The following NOL4L variants were observed in gnomAD, a reference collection of about 807,000 sequenced individuals.
The protein encoded by NOL4L is nucleolar protein 4 like.
A neutral mutation model predicts 64.5 loss-of-function variants in NOL4L; 7 were observed. That is an observed-to-expected ratio of 0.11 (90% CI 0.06 to 0.20). NOL4L has a LOEUF of 0.20. Ranked by LOEUF, NOL4L falls within the 10% of genes least tolerant of loss-of-function variation. The probability of loss-of-function intolerance (pLI) is 1.00; values close to 1 mark genes in which losing one functional copy is unlikely to be tolerated. For missense variants in NOL4L, 680 were observed against 967.1 expected (o/e 0.70, Z 3.94); for synonymous variants, 413 against 401.0 (o/e 1.03, Z -0.36).
intron 4 of NOL4L, among the ~76,000 whole-genome samples, chr20:32,488,092 G>A (rs1213082893): frequency 6.6e-6 from 1 of 152,058 alleles, no homozygotes; most frequent in Non-Finnish European, 1.5e-5. Context: ...ACCATGCCTG[G>A]CTAATTTTTG....
chr20:32,545,908 T>A (rs1282797369), intron 1 of NOL4L, among the ~76,000 whole-genome samples: 19 of 152,166 alleles, frequency 1.2e-4, no homozygotes, highest in Non-Finnish European at 1.8e-4. Context: ...AGAGCCTGTT[T>A]ACAAGACACT....
intron 5 of NOL4L, among the ~76,000 whole-genome samples, chr20:32,465,823 A>C (rs1447028044): frequency 2.0e-5 from 3 of 152,112 alleles, no homozygotes; most frequent in Non-Finnish European, 4.4e-5. Flanking sequence ...ACCCTTGAAC[A>C]GGCTCCCGGT....
chr20:32,468,411 G>A (rs1476484760), intron 5 of NOL4L, among the ~76,000 whole-genome samples: 3 of 152,154 alleles, frequency 2.0e-5, no homozygotes, highest in Admixed American at 6.5e-5. Context: ...CTGCTGCCAC[G>A]CCTCTGCCCA....
rs145275649 is a variant in NOL4L, at chr20:32,450,610, C to T, written c.1822+1626G>A. ...GGGCAGGCATGAAGCAGGCTCAGCC[C>T]TAATATGAGAGGCCCTTAGGAGGGT... On this transcript the variant is annotated intron_variant, in intron 10 of 10. Transcript: ENST00000621426. 3.7e-3 allele frequency among the ~76,000 whole-genome samples: 571 copies of T among 152,282 alleles called. 6 individuals are homozygous for T. The highest frequency in any genetic ancestry group is 0.012 in the African/African-American group (518 of 41,546).
intron 2 of NOL4L, among the ~76,000 whole-genome samples, chr20:32,527,273 G>A (rs529165282): frequency 1.9e-4 from 29 of 152,038 alleles, no homozygotes; most frequent in Admixed American, 3.3e-4. Flanking sequence ...CAGGTCCTTC[G>A]ACTTCCCCTG....
intron 2 of NOL4L, among the ~76,000 whole-genome samples, chr20:32,523,373 G>A (rs538143041): frequency 6.6e-6 from 1 of 152,276 alleles, no homozygotes; most frequent in South Asian, 2.1e-4. Flanking sequence ...CACTGCCGTA[G>A]GGACCTGTAT....
At position 32,453,315 on chromosome 20, in the gene NOL4L, C is replaced by G; in HGVS notation, c.1486G>C (p.Gly496Arg). ...LKSCRRMKKN[G>R]MEMTRPTPPH... ...CAGGGGGGACTCACCATCTCCATGC[C>G]GTTCTTCTTCATGCGACGGCAGGAC... is the stretch of plus-strand genomic sequence containing the variant. Residue 496 changes from glycine to arginine, a missense_variant, in exon 8 of 11, where the codon GGC becomes CGC. Physicochemically the swap from Gly to Arg is moderately radical, Grantham distance 125 (BLOSUM62 -2). Around this residue, in one of 4 missense-constraint regions of NOL4L, gnomAD observed 70 missense variants for 166.1 expected, o/e 0.42. Coordinates refer to ENST00000621426, the MANE Select transcript of NOL4L (RefSeq NM_001256798.2). The surrounding 1 kb of genome is among the most constrained non-coding windows in gnomAD (Gnocchi z 5.6). 1 of 1,613,614 alleles carries G rather than the reference C, an allele frequency of 6.2e-7. No individual in the cohort carries two copies. Among genetic ancestry groups the G allele is most frequent in the Non-Finnish European group, 8.5e-7 (1 of 1,179,646 alleles).
intron 1 of NOL4L, among the ~76,000 whole-genome samples, chr20:32,553,609 C>T (rs1385811675): frequency 1.3e-5 from 2 of 152,232 alleles, no homozygotes; most frequent in Non-Finnish European, 2.9e-5. Context: ...GGTTCATGGT[C>T]TGTCTCCCCA....
intron 1 of NOL4L, among the ~76,000 whole-genome samples, chr20:32,578,143 G>GAAGGAAGGAAGGAGGGAGA: frequency 8.8e-6 from 1 of 113,478 alleles, no homozygotes; most frequent in East Asian, 3.1e-4. Context: ...AAGGAAGGAG[G>GAAGGAAGGAAGGAGGGAGA]GAGGGAGGGA....
intron 4 of NOL4L, among the ~76,000 whole-genome samples, chr20:32,484,141 C>T (rs1456517140): frequency 6.6e-6 from 1 of 152,076 alleles, no homozygotes; most frequent in Non-Finnish European, 1.5e-5. Flanking sequence ...GAACTCTCGG[C>T]GCCCGGGGCC....
rs565660911 is a variant in NOL4L, at chr20:32,498,128, G to C, written c.699+13219C>G. On this transcript the variant is annotated intron_variant, in intron 4 of 10. Transcript: ENST00000621426. ...TGGGGACAATGAGCTGTTCAGGTTCGGGGTATCTGCCAACCCCACCAGACA... is the reference window on the plus strand; with the variant it reads ...TGGGGACAATGAGCTGTTCAGGTTCCGGGTATCTGCCAACCCCACCAGACA... Among the ~76,000 whole-genome samples the C allele has an allele frequency of 4.6e-5, 7 of 152,278 alleles. No homozygotes were observed. In the East Asian group the frequency reaches 1.4e-3, roughly 29 times the overall value.
intron 3 of NOL4L, among the ~76,000 whole-genome samples, chr20:32,514,964 A>G (rs2017585805): frequency 6.6e-6 from 1 of 151,938 alleles, no homozygotes; most frequent in Admixed American, 6.6e-5. Flanking sequence ...TGTTGCAGGG[A>G]TTGTCTAGGT....
Position 32,464,721 on chromosome 20 carries a change from T to C in NOL4L, c.842-8326A>G. ...CGACAGAAACAGAGTGGGAGCCGCA[T>C]GAGGGATTTGAGTGCCCTAGTACCC... On this transcript the variant is annotated intron_variant, in intron 5 of 10. Transcript: ENST00000621426. This position sits in a 1 kb window ranked among gnomAD's most constrained non-coding sequence, Gnocchi z 5.6. 1 of 287,134 alleles carries C rather than the reference T, an allele frequency of 3.5e-6. No homozygotes were observed. The highest frequency in any genetic ancestry group is 6.4e-6 in the Non-Finnish European group (1 of 155,872). 17.8% of individuals were successfully genotyped at this position (287,134 alleles called of 1,614,324 possible). A position where few individuals can be genotyped will look rare whatever the true frequency, so the allele number is the denominator to read the frequency against.
chr20:32,499,655 C>T (rs530674174), intron 4 of NOL4L, among the ~76,000 whole-genome samples: 1 of 143,324 alleles, frequency 7.0e-6, no homozygotes, highest in South Asian at 2.2e-4. Context: ...AGGAGAATTG[C>T]TTGAACCTGG....
chr20:32,528,051 C>A, intron 1 of NOL4L, 138 bp from the exon 2 acceptor site: 1 of 591,132 alleles, frequency 1.7e-6, no homozygotes. Flanking sequence ...AGGGAGCCTA[C>A]CGAGGGGGCT....
intron 1 of NOL4L, among the ~76,000 whole-genome samples, chr20:32,574,551 G>A (rs1032875985): frequency 1.3e-5 from 2 of 152,166 alleles, no homozygotes; most frequent in Non-Finnish European, 1.5e-5. Context: ...CCGGAGGCCC[G>A]ATTGTGTTTT....
intron 4 of NOL4L, among the ~76,000 whole-genome samples, chr20:32,478,748 C>T (rs996369601): frequency 2.6e-5 from 4 of 152,192 alleles, no homozygotes; most frequent in Admixed American, 6.5e-5. Flanking sequence ...TATACCACCA[C>T]GCCTGGCTAA....
intron 5 of NOL4L, among the ~76,000 whole-genome samples, chr20:32,465,390 T>A (rs2014456674): frequency 6.6e-6 from 1 of 152,120 alleles, no homozygotes. Flanking sequence ...GATTTGCCCA[T>A]CTGTACTGTG....
At chr20:32,563,279 G>A (rs1485234651) in intron 1 of NOL4L, among the ~76,000 whole-genome samples, 1 of 119,378 alleles carries the variant, frequency 8.4e-6, no homozygotes, top group Non-Finnish European at 1.8e-5. Flanking sequence ...AGGGAGACTC[G>A]GGAGGGAGAG....
Sources: allele counts gnomAD v4.1 joint callset (sites outside exome capture counted in the v4.1 genomes callset), GRCh38; gene constraint gnomAD v4.1.1; regional missense constraint gnomAD v4.1.1; non-coding constraint Gnocchi (gnomAD v3.1); transcripts MANE v1.5; gene names NCBI Gene and HGNC (gene_info 2026-07-23, HGNC 2026-07-21).